TPH2: variants seen among roughly 807,000 people sequenced by gnomAD.
The protein encoded by TPH2 is tryptophan hydroxylase 2.
In TPH2, 27 loss-of-function variants were observed where a neutral mutation model predicts 59.1. That is an observed-to-expected ratio of 0.46 (90% confidence interval 0.34 to 0.63). The LOEUF (loss-of-function observed/expected upper bound fraction) is 0.63. Among genes scored for constraint, TPH2 ranks in the 30% least tolerant of loss-of-function variants. The pLI, the probability that TPH2 is intolerant of heterozygous loss-of-function variation, is 0.01. For synonymous variants in TPH2, 220 were observed against 210.5 expected (o/e 1.05, Z -0.39); for missense variants, 523 against 588.3 (o/e 0.89, Z 1.15).
chr12:71,947,751 G>C (rs1331992619), intron 4 of TPH2, among the ~76,000 whole-genome samples: 1 of 151,984 alleles, frequency 6.6e-6, no homozygotes, highest in East Asian at 1.9e-4. Context: ...GGAAGTTCTG[G>C]ATCGCCCACA....
At chr12:71,941,534 C>A in intron 1 of TPH2, 50 bp from the exon 2 acceptor site, 1 of 1,587,060 alleles carries the variant, frequency 6.3e-7, no homozygotes, top group Non-Finnish European at 8.6e-7. Flanking sequence ...ACGGAGGATT[C>A]TGGAACCCTA....
At chr12:71,961,550 T>C in intron 5 of TPH2, 1 of 1,351,788 alleles carries the variant, frequency 7.4e-7, no homozygotes, top group Middle Eastern at 2.1e-4. Flanking sequence ...ATCTTCATTC[T>C]AGTGGCCCAA....
In TPH2 at chr12:71,944,314, T is replaced by A. The variant is rs1871146575; in HGVS notation, c.276T>A (p.Val92=). ...CACAGGAAAAACGTGTCAACATGGT[T>A]CATATTGAATCCAGGAAATCTCGGC... is the stretch of plus-strand genomic sequence containing the variant. ...RLFQEKRVNM[V]HIESRKSRRR... is the part of the protein sequence containing the mutation. Residue 92 remains valine (V), a synonymous_variant, in exon 3 of 11, where the codon GTT becomes GTA. Coordinates refer to ENST00000333850, the MANE Select transcript of TPH2 (RefSeq NM_173353.4). 6.2e-7 allele frequency: 1 copy of A among 1,613,708 alleles called. No individual in the cohort carries two copies. Among genetic ancestry groups the A allele is most frequent in the African/African-American group, 1.3e-5 (1 of 74,902 alleles).
chr12:71,968,480 C>T (rs1322715905), intron 5 of TPH2, among the ~76,000 whole-genome samples: 2 of 152,222 alleles, frequency 1.3e-5, no homozygotes, highest in Non-Finnish European at 2.9e-5. Context: ...TATGTCCAGG[C>T]TCCCCGTGGT....
At chr12:72,005,407 A>C (rs918462438) in intron 8 of TPH2, among the ~76,000 whole-genome samples, 2 of 152,186 alleles carry the variant, frequency 1.3e-5, no homozygotes, top group African/African-American at 4.8e-5. Context: ...TTATTGTAGA[A>C]AAAATTTAAA....
At chr12:71,988,504 G>C (rs961063916) in intron 7 of TPH2, among the ~76,000 whole-genome samples, 1 of 152,166 alleles carries the variant, frequency 6.6e-6, no homozygotes, top group East Asian at 1.9e-4. Flanking sequence ...ATGAGAGAGA[G>C]AGTTGGAGGG....
chr12:71,953,320 C>A (rs1489972100), intron 5 of TPH2, among the ~76,000 whole-genome samples: 6 of 152,120 alleles, frequency 3.9e-5, no homozygotes, highest in African/African-American at 7.2e-5. Flanking sequence ...TCCTTAATGC[C>A]CCGCATGCTG....
At chr12:72,008,345 C>T (rs1873009539) in intron 8 of TPH2, among the ~76,000 whole-genome samples, 2 of 152,202 alleles carry the variant, frequency 1.3e-5, no homozygotes, top group Admixed American at 1.3e-4. Context: ...TAATTAAGCC[C>T]ATGCTTGCCT....
chr12:72,009,325 A>T (rs1046750458), intron 8 of TPH2, among the ~76,000 whole-genome samples: 1 of 152,192 alleles, frequency 6.6e-6, no homozygotes, highest in African/African-American at 2.4e-5. Flanking sequence ...GCCAGAGAGT[A>T]AGTTGGCAAA....
chr12:71,949,929 C>T (rs1871298738), intron 5 of TPH2, among the ~76,000 whole-genome samples: 2 of 152,050 alleles, frequency 1.3e-5, no homozygotes, highest in Non-Finnish European at 2.9e-5. Flanking sequence ...TCTGTGCACT[C>T]TGCAGGCCTT....
chr12:71,955,528 G>A (rs929843669), intron 5 of TPH2, among the ~76,000 whole-genome samples: 3 of 152,150 alleles, frequency 2.0e-5, no homozygotes, highest in East Asian at 1.9e-4. Context: ...ACTGCCTGGG[G>A]TGAATCCCAG....
chr12:72,003,701 G>A (rs1483892103), intron 8 of TPH2, among the ~76,000 whole-genome samples: 2 of 152,128 alleles, frequency 1.3e-5, no homozygotes, highest in African/African-American at 4.8e-5. Context: ...CCATTATGAG[G>A]TGTTTGCCAT....
chr12:71,985,270 GT>G (rs1872398650), intron 7 of TPH2, among the ~76,000 whole-genome samples: 1 of 152,204 alleles, frequency 6.6e-6, no homozygotes. Context: ...CCACTACTTT[GT>G]TAATCAGTAA....
At chr12:72,021,236 G>A (rs557698844) in intron 8 of TPH2, among the ~76,000 whole-genome samples, 5 of 151,318 alleles carry the variant, frequency 3.3e-5, no homozygotes, top group East Asian at 1.9e-4. Flanking sequence ...TTTTCTTCTC[G>A]TTGTGCAAAG....
intron 8 of TPH2, among the ~76,000 whole-genome samples, chr12:72,014,395 CTTT>C (rs71437200): frequency 7.1e-6 from 1 of 139,878 alleles, no homozygotes; most frequent in African/African-American, 2.7e-5. Context: ...TTCTTTTTTT[CTTT>C]TTTTTTTTTT....
In TPH2 at chr12:72,025,157, T is replaced by C. The variant is rs948793093; in HGVS notation, c.1164+2663T>C. On this transcript the variant is annotated intron_variant, in intron 9 of 10. Transcript: ENST00000333850. ...ACCCATGTAGGGATAACTTTATTAA[T>C]AGCGTTATCATAATTCCTGTGTAAA... is the stretch of plus-strand genomic sequence containing the variant. 3.9e-5 allele frequency among the ~76,000 whole-genome samples: 6 copies of C among 152,144 alleles called. 1 individual carries two copies. Among genetic ancestry groups the C allele is most frequent in the African/African-American group, 1.4e-4 (6 of 41,430 alleles).
At chr12:72,029,934 A>T (rs1338413707) in intron 9 of TPH2, among the ~76,000 whole-genome samples, 1 of 152,146 alleles carries the variant, frequency 6.6e-6, no homozygotes, top group Non-Finnish European at 1.5e-5. Context: ...GGGTTTTCTG[A>T]ATTTCTCCAG....
chr12:72,015,061 A>C (rs755603384), intron 8 of TPH2, among the ~76,000 whole-genome samples: 26 of 152,252 alleles, frequency 1.7e-4, no homozygotes, highest in Non-Finnish European at 3.2e-4. Context: ...TCTTGGCTAA[A>C]GGTGGGAAAA....
At chr12:71,968,063 G>A (rs964316835) in intron 5 of TPH2, among the ~76,000 whole-genome samples, 3 of 152,182 alleles carry the variant, frequency 2.0e-5, no homozygotes, top group Non-Finnish European at 4.4e-5. Context: ...GGAGGAGGCT[G>A]AGGCCCTTTT....
Sources: allele counts gnomAD v4.1 joint callset (sites outside exome capture counted in the v4.1 genomes callset), GRCh38; gene constraint gnomAD v4.1.1; transcripts MANE v1.5; gene names NCBI Gene and HGNC (gene_info 2026-07-23, HGNC 2026-07-21).